Variants in TRAPPC9 observed in about 807,000 individuals in gnomAD.
TRAPPC9 encodes IKK2 binding protein.
Under a neutral mutation model 124.0 loss-of-function variants are expected in TRAPPC9, and 83 were observed. That is an observed-to-expected ratio of 0.67 (90% CI 0.56 to 0.80). TRAPPC9 has a LOEUF of 0.80. Among genes scored for constraint, TRAPPC9 ranks in the 30% least tolerant of loss-of-function variants. The probability of loss-of-function intolerance (pLI) is 0.00; values close to 1 mark genes in which losing one functional copy is unlikely to be tolerated. For missense variants in TRAPPC9, 1,302 were observed against 1,508.3 expected, an observed-to-expected ratio of 0.86 and a Z score of 2.27; for synonymous variants, 638 against 617.5, an observed-to-expected ratio of 1.03 and a Z score of -0.49.
chr8:139,964,678 G>GA (rs970999298), intron 19 of TRAPPC9, among the ~76,000 whole-genome samples: 3 of 144,194 alleles, frequency 2.1e-5, no homozygotes, highest in Middle Eastern at 3.4e-3. Flanking sequence ...GCATCTCCAA[G>GA]ATGATAAAGC....
intron 17 of TRAPPC9, among the ~76,000 whole-genome samples, chr8:140,026,663 A>C (rs1840167963): frequency 6.6e-6 from 1 of 152,108 alleles, no homozygotes; most frequent in South Asian, 2.1e-4. Flanking sequence ...TGAGTCCTTC[A>C]GTCTCATTTT....
At chr8:140,179,313 G>C in intron 17 of TRAPPC9, among the ~76,000 whole-genome samples, 1 of 152,042 alleles carries the variant, frequency 6.6e-6, no homozygotes, top group East Asian at 1.9e-4. Flanking sequence ...AAATTACCCT[G>C]TGATTTCTTC....
At chr8:140,051,113 T>C (rs896976868) in intron 17 of TRAPPC9, among the ~76,000 whole-genome samples, 1 of 152,144 alleles carries the variant, frequency 6.6e-6, no homozygotes, top group African/African-American at 2.4e-5. Context: ...AAGGAATGAG[T>C]CATCAGAGAC....
chr8:140,422,696 G>A (rs956787698), intron 5 of TRAPPC9, among the ~76,000 whole-genome samples: 7 of 148,058 alleles, frequency 4.7e-5, no homozygotes, highest in Non-Finnish European at 7.4e-5. Flanking sequence ...AGGGGTTGCA[G>A]TGAGCCGAGA....
Position 139,910,161 on chromosome 8 carries a change from T to C in TRAPPC9, c.2950A>G (p.Ile984Val). ...RGLEIHSKLG[I>V]CWRIPSLKRS... is the part of the protein sequence containing the mutation. Reference sequence around the variant, plus strand: ...GAAAAGGATATGATTCTCCAGCAGATGCCCAGCTTGCTGTGGATCTCCAGG... The same window carrying C: ...GAAAAGGATATGATTCTCCAGCAGACGCCCAGCTTGCTGTGGATCTCCAGG... The change falls in exon 20 of 23, where the codon ATC (isoleucine) becomes GTC (valine). Residue 984 changes from isoleucine (I) to valine (V), a missense_variant. Around this residue, in one of 3 missense-constraint regions of TRAPPC9, gnomAD observed 640 missense variants for 679.3 expected, o/e 0.94. Transcript: ENST00000438773. 6.2e-7 allele frequency: 1 copy of C among 1,613,894 alleles called. No individual in the cohort carries two copies. The highest frequency in any genetic ancestry group is 8.5e-7 in the Non-Finnish European group (1 of 1,179,964).
chr8:140,113,197 C>T (rs2130525849), intron 17 of TRAPPC9, among the ~76,000 whole-genome samples: 2 of 152,340 alleles, frequency 1.3e-5, no homozygotes, highest in African/African-American at 4.8e-5. Context: ...GAAGTTTCGA[C>T]AAATAGAACA....
intron 12 of TRAPPC9, among the ~76,000 whole-genome samples, chr8:140,288,112 G>A (rs1428313649): frequency 6.6e-6 from 1 of 152,216 alleles, no homozygotes; most frequent in Non-Finnish European, 1.5e-5. Context: ...AGGCCAAGGT[G>A]GAAAGAACAC....
At chr8:140,374,881 T>C (rs189738549) in intron 7 of TRAPPC9, among the ~76,000 whole-genome samples, 32 of 152,212 alleles carry the variant, frequency 2.1e-4, no homozygotes, top group Non-Finnish European at 1.5e-4. Flanking sequence ...AATAATACTA[T>C]GATCAGTAAT....
chr8:139,805,147 C>T (rs939216448), intron 21 of TRAPPC9, among the ~76,000 whole-genome samples: 2 of 152,226 alleles, frequency 1.3e-5, no homozygotes, highest in Non-Finnish European at 2.9e-5. Context: ...CTCCTGGCCT[C>T]CTTCCACTGT....
intron 1 of TRAPPC9, among the ~76,000 whole-genome samples, chr8:140,453,000 C>T (rs1370701281): frequency 2.6e-5 from 4 of 152,124 alleles, no homozygotes; most frequent in Non-Finnish European, 4.4e-5. Flanking sequence ...CATGGCACCA[C>T]GGGGGGAAAC....
At chr8:140,381,565 G>C (rs994096884) in intron 7 of TRAPPC9, among the ~76,000 whole-genome samples, 7 of 151,010 alleles carry the variant, frequency 4.6e-5, no homozygotes, top group Admixed American at 4.6e-4. Context: ...CTACTCAGGA[G>C]GCTGAGGCAG....
At chr8:140,046,265 G>T (rs10100512) in intron 17 of TRAPPC9, among the ~76,000 whole-genome samples, 1 of 152,206 alleles carries the variant, frequency 6.6e-6, no homozygotes, top group Non-Finnish European at 1.5e-5. Context: ...GGTCTTCGCC[G>T]ACGGCTATGA....
intron 17 of TRAPPC9, among the ~76,000 whole-genome samples, chr8:140,200,540 C>T (rs150333022): frequency 6.6e-6 from 1 of 152,064 alleles, no homozygotes; most frequent in Admixed American, 6.6e-5. Context: ...AGGTGGGCAC[C>T]CCTGCGGCGG....
chr8:140,127,473 C>T (rs1185757024), intron 17 of TRAPPC9, among the ~76,000 whole-genome samples: 1 of 152,200 alleles, frequency 6.6e-6, no homozygotes, highest in Non-Finnish European at 1.5e-5. Context: ...ATCTTGAGGA[C>T]AGTGGCCATG....
intron 5 of TRAPPC9, among the ~76,000 whole-genome samples, chr8:140,415,293 C>A (rs1376761059): frequency 6.6e-6 from 1 of 151,172 alleles, no homozygotes; most frequent in Admixed American, 6.6e-5. Context: ...GTGGCTCACA[C>A]CTATAATCCC....
At chr8:140,059,761 G>T (rs1419220621) in intron 17 of TRAPPC9, among the ~76,000 whole-genome samples, 1 of 152,086 alleles carries the variant, frequency 6.6e-6, no homozygotes, top group Non-Finnish European at 1.5e-5. Flanking sequence ...ACTTCTAATT[G>T]TGTTGTTTTC....
intron 15 of TRAPPC9, among the ~76,000 whole-genome samples, chr8:140,270,758 G>T (rs1385480329): frequency 6.6e-6 from 1 of 152,200 alleles, no homozygotes; most frequent in Non-Finnish European, 1.5e-5. Flanking sequence ...AGGAAAGGGT[G>T]TGTCTATGGC....
At chr8:140,255,272 G>C (rs1446198967) in intron 15 of TRAPPC9, among the ~76,000 whole-genome samples, 1 of 152,178 alleles carries the variant, frequency 6.6e-6, no homozygotes, top group Non-Finnish European at 1.5e-5. Context: ...CACTCCACGT[G>C]TTACCTCACT....
chr8:139,998,019 G>GAGACAATGCATCCTACACAGGT (rs1563677229), intron 18 of TRAPPC9, among the ~76,000 whole-genome samples: 11 of 149,218 alleles, frequency 7.4e-5, no homozygotes, highest in African/African-American at 2.2e-4. Context: ...CCTACACAGG[G>GAGACAATGCATCCTACACAGGT]AGACAATGCA....
Sources: gnomAD v4.1 joint callset for allele counts (sites outside exome capture counted in the v4.1 genomes callset) on GRCh38, gnomAD v4.1.1 for gene constraint, gnomAD v4.1.1 regional missense constraint, MANE v1.5 for transcripts, NCBI Gene and HGNC (gene_info 2026-07-23, HGNC 2026-07-21) for gene names.